HEATR5B: variants seen among roughly 807,000 people sequenced by gnomAD.
HEATR5B encodes HEAT repeat containing 5B.
In HEATR5B, 156 loss-of-function variants were observed where a neutral mutation model predicts 224.1. The observed-to-expected ratio is 0.70, with a 90% CI of 0.61 to 0.80. The LOEUF is 0.80. Ranked by LOEUF, HEATR5B falls within the 30% of genes least tolerant of loss-of-function variation. The pLI is 0.00. For missense variants in HEATR5B, 2,323 were observed against 2,535.5 expected, an observed-to-expected ratio of 0.92 and a Z score of 1.80; for synonymous variants, 1,027 against 893.0, an observed-to-expected ratio of 1.15 and a Z score of -2.68.
intron 20 of HEATR5B, 33 bp downstream of exon 20, chr2:37,040,296 A>C: frequency 6.6e-7 from 1 of 1,522,370 alleles, no homozygotes; most frequent in Non-Finnish European, 9.0e-7. Context: ...TGATTATCTA[A>C]CTAGGTTCCT....
chr2:37,054,630 G>A (rs1329641760), intron 16 of HEATR5B, among the ~76,000 whole-genome samples: 2 of 150,980 alleles, frequency 1.3e-5, no homozygotes, highest in Non-Finnish European at 1.5e-5. Context: ...GACTACAGGT[G>A]TTCGCCACTA....
intron 17 of HEATR5B, among the ~76,000 whole-genome samples, chr2:37,051,742 T>C (rs1670563938): frequency 6.6e-6 from 1 of 152,124 alleles, no homozygotes; most frequent in African/African-American, 2.4e-5. Context: ...CTTCTTCTTT[T>C]TTTTTTCTTT....
chr2:37,012,631 C>T (rs1667856606), intron 27 of HEATR5B, among the ~76,000 whole-genome samples: 1 of 152,154 alleles, frequency 6.6e-6, no homozygotes, highest in South Asian at 2.1e-4. Context: ...CTCAGGTGAT[C>T]CGCCTGCCTC....
chr2:36,987,754 G>A (rs1572733332), intron 35 of HEATR5B, among the ~76,000 whole-genome samples: 1 of 152,034 alleles, frequency 6.6e-6, no homozygotes, highest in Admixed American at 6.6e-5. Context: ...CCTCTATTAT[G>A]AAGATTAGAA....
chr2:37,045,026 G>A (rs1670102484), intron 18 of HEATR5B, among the ~76,000 whole-genome samples: 1 of 152,094 alleles, frequency 6.6e-6, no homozygotes, highest in South Asian at 2.1e-4. Flanking sequence ...CCTATCCAGT[G>A]CATTTTTTCA....
chr2:37,078,238 C>T (rs546785503), intron 3 of HEATR5B, among the ~76,000 whole-genome samples: 5 of 152,310 alleles, frequency 3.3e-5, no homozygotes, highest in Admixed American at 2.0e-4. Flanking sequence ...AAATTTAGCT[C>T]ACAATCAAAC....
chr2:37,017,744 T>C (rs1372837554), intron 26 of HEATR5B, among the ~76,000 whole-genome samples: 1 of 148,210 alleles, frequency 6.7e-6, no homozygotes, highest in Non-Finnish European at 1.5e-5. Flanking sequence ...TAATGCATTA[T>C]GGATTTTGTT....
intron 11 of HEATR5B, among the ~76,000 whole-genome samples, chr2:37,061,526 C>CA (rs1486061220): frequency 6.6e-6 from 1 of 152,138 alleles, no homozygotes; most frequent in East Asian, 1.9e-4. Flanking sequence ...GCAGATTTGT[C>CA]ACACTACTTA....
intron 6 of HEATR5B, 40 bp from the exon 7 acceptor site, chr2:37,070,427 C>A (rs781443099): frequency 1.3e-6 from 2 of 1,491,456 alleles, no homozygotes; most frequent in Non-Finnish European, 1.9e-6. Context: ...AAATATATTT[C>A]TGAGGCACTC....
At chr2:37,040,307 T>C (rs377415143) in intron 20 of HEATR5B, 22 bp downstream of exon 20, 104 of 1,582,822 alleles carry the variant, frequency 6.6e-5, no homozygotes, top group Non-Finnish European at 8.2e-5. Context: ...CTAGGTTCCT[T>C]AATTTCAGAT....
chr2:37,030,015 A>G (rs1216678913), intron 22 of HEATR5B, among the ~76,000 whole-genome samples: 5 of 152,154 alleles, frequency 3.3e-5, no homozygotes, highest in Admixed American at 6.5e-5. Context: ...CCAAAAAGCA[A>G]TGTTGTCATG....
At chr2:37,073,677 T>G (rs1164810243) in intron 5 of HEATR5B, among the ~76,000 whole-genome samples, 1 of 152,240 alleles carries the variant, frequency 6.6e-6, no homozygotes, top group Non-Finnish European at 1.5e-5. Flanking sequence ...AATGGAGAGA[T>G]ATATCATGTC....
rs10177767 is a variant in HEATR5B at position 37,035,849 on chromosome 2, T to A, written c.3216+2006A>T. 8.8e-3 allele frequency among the ~76,000 whole-genome samples: 1,345 copies of A among 152,278 alleles called. 22 individuals carry two copies. The highest frequency in any genetic ancestry group is 0.031 in the African/African-American group (1,285 of 41,554). On this transcript the variant is annotated intron_variant, in intron 21 of 35. Coordinates refer to ENST00000233099, the MANE Select transcript of HEATR5B (RefSeq NM_019024.3). The stretch of plus-strand genomic sequence containing the variant: ...TGAGCTCCAGGCCCATAAAACTAAC[T>A]ATCCATGTGTCTAAAACTGAATTAA...
Position 37,064,777 on chromosome 2 carries a change from T to C in HEATR5B, c.1547A>G (p.His516Arg), listed in dbSNP as rs199731053. 6.2e-6 allele frequency: 10 copies of C among 1,614,072 alleles called. No individual in the cohort carries two copies. Among genetic ancestry groups the C allele is most frequent in the African/African-American group, 4.0e-5 (3 of 75,038 alleles). ...ATGAGGAATGCCCAAAGGACACTGA[T>C]GTACTCCACCTAACAAAGCAGCCAT... ...FAMAALLGGVHQCPLGIPHAK... is the reference protein window; with the variant it reads ...FAMAALLGGVRQCPLGIPHAK... Residue 516 changes from histidine to arginine, a missense_variant, in exon 10 of 36, where the codon CAT becomes CGT. Physicochemically the swap from His to Arg is conservative, Grantham distance 29. This residue lies in a region of HEATR5B where 502 missense variants were observed against 517.8 expected (regional missense o/e 0.97). Transcript: ENST00000233099.
intron 7 of HEATR5B, 72 bp from the exon 8 acceptor site, chr2:37,069,002 C>G: frequency 7.1e-7 from 1 of 1,408,102 alleles, no homozygotes; most frequent in Non-Finnish European, 9.7e-7. Flanking sequence ...AAAGCAACTA[C>G]TAAAATAACT....
intron 9 of HEATR5B, 54 bp from the exon 10 acceptor site, chr2:37,065,044 A>T: frequency 6.6e-7 from 1 of 1,525,818 alleles, no homozygotes; most frequent in Non-Finnish European, 9.0e-7. Context: ...ATGATTTCAG[A>T]AACTCAAATA....
intron 27 of HEATR5B, among the ~76,000 whole-genome samples, chr2:37,013,350 T>A (rs1354998764): frequency 6.6e-6 from 1 of 152,086 alleles, no homozygotes; most frequent in African/African-American, 2.4e-5. Context: ...ATATATTTTT[T>A]AAAGTGACTG....
chr2:37,037,829 A>C, intron 21 of HEATR5B, 26 bp downstream of exon 21: 1 of 1,431,450 alleles, frequency 7.0e-7, no homozygotes, highest in Admixed American at 2.5e-5. Flanking sequence ...CTTAAAAATC[A>C]ATGAATGAAA....
intron 24 of HEATR5B, among the ~76,000 whole-genome samples, 169 bp from the exon 25 acceptor site, chr2:37,021,005 T>G (rs1471119921): frequency 6.6e-6 from 1 of 152,234 alleles, no homozygotes; most frequent in Non-Finnish European, 1.5e-5. Flanking sequence ...CATATCAATC[T>G]TTCAAGAATA....
Sources: allele counts gnomAD v4.1 joint callset (sites outside exome capture counted in the v4.1 genomes callset), GRCh38; gene constraint gnomAD v4.1.1; regional missense constraint gnomAD v4.1.1; transcripts MANE v1.5; gene names NCBI Gene and HGNC (gene_info 2026-07-23, HGNC 2026-07-21).